The following LARP4 variants were observed in gnomAD, a reference collection of about 807,000 sequenced individuals.
LARP4 encodes the protein la-related protein 4.
A neutral mutation model predicts 92.9 loss-of-function variants in LARP4; 29 were observed. That is an observed-to-expected ratio of 0.31 (90% CI 0.23 to 0.43). The LOEUF (loss-of-function observed/expected upper bound fraction) is 0.43. Ranked by LOEUF, LARP4 falls within the 20% of genes least tolerant of loss-of-function variation. LARP4 has a pLI of 1.00. For missense variants in LARP4, 732 were observed against 860.0 expected, an observed-to-expected ratio of 0.85 and a Z score of 1.86; for synonymous variants, 279 against 284.1, an observed-to-expected ratio of 0.98 and a Z score of 0.18.
chr12:50,430,624 A>G, intron 4 of LARP4, 54 bp downstream of exon 4: 1 of 1,042,900 alleles, frequency 9.6e-7, no homozygotes, highest in Non-Finnish European at 1.5e-6. Context: ...AATACGTGTG[A>G]AATAGAGCGC....
intron 8 of LARP4, among the ~76,000 whole-genome samples, chr12:50,452,397 GT>G (rs779539880): frequency 4.6e-5 from 7 of 152,020 alleles, no homozygotes; most frequent in Non-Finnish European, 7.4e-5. Context: ...GGCCAGGCTG[GT>G]CTGGAATTCA....
At chr12:50,430,619 G>A (rs769970565) in intron 4 of LARP4, 49 bp downstream of exon 4, 22 of 1,091,350 alleles carry the variant, frequency 2.0e-5, no homozygotes, top group African/African-American at 3.2e-5. Context: ...TGTAAAATAC[G>A]TGTGAAATAG....
intron 11 of LARP4, 41 bp from the exon 12 acceptor site, chr12:50,462,541 C>CCCGG: frequency 4.9e-6 from 4 of 811,538 alleles, no homozygotes; most frequent in Non-Finnish European, 2.1e-6. Flanking sequence ...TATGACTTGT[C>CCCGG]CCTCCACCCC....
At chr12:50,407,171 G>A (rs567272295) in intron 1 of LARP4, among the ~76,000 whole-genome samples, 1 of 152,118 alleles carries the variant, frequency 6.6e-6, no homozygotes, top group East Asian at 1.9e-4. Flanking sequence ...GACTACAGGC[G>A]CGTACCACCA....
At chr12:50,406,179 CAT>C (rs1944798610) in intron 1 of LARP4, among the ~76,000 whole-genome samples, 1 of 152,062 alleles carries the variant, frequency 6.6e-6, no homozygotes, top group Non-Finnish European at 1.5e-5. Flanking sequence ...ATAATTAAAA[CAT>C]ATTTTAGGTT....
chr12:50,402,639 T>C (rs1944078042), intron 1 of LARP4: 1 of 289,756 alleles, frequency 3.5e-6, no homozygotes, highest in East Asian at 1.1e-4. Flanking sequence ...CTAGGTCTTC[T>C]CCTGTCTCTA....
chr12:50,403,272 T>C (rs927028399), intron 1 of LARP4, among the ~76,000 whole-genome samples: 1 of 152,172 alleles, frequency 6.6e-6, no homozygotes, highest in Non-Finnish European at 1.5e-5. Flanking sequence ...GGAAAAAAAT[T>C]TGCGTGTTTA....
At chr12:50,439,424 G>A (rs1382451763) in intron 6 of LARP4, among the ~76,000 whole-genome samples, 1 of 151,800 alleles carries the variant, frequency 6.6e-6, no homozygotes, top group Non-Finnish European at 1.5e-5. Flanking sequence ...GGTTTTCTGA[G>A]ACAGGTCTTG....
rs1944345161 is a variant in LARP4 at position 50,403,997 on chromosome 12, G to A, written c.18+2969G>A. 2.0e-5 allele frequency among the ~76,000 whole-genome samples: 3 copies of A among 152,110 alleles called. No individual in the cohort carries two copies. In the South Asian group the frequency reaches 6.2e-4, roughly 31 times the overall value. On this transcript the variant is annotated intron_variant, in intron 1 of 15. Coordinates refer to ENST00000398473, the MANE Select transcript of LARP4 (RefSeq NM_052879.5). ...CCAGCACTTTGGGAGGCTGAGGTGG[G>A]TGGCAAATCACCTGAGGTCAGGAGT...
intron 1 of LARP4, 51 bp from the exon 2 acceptor site, chr12:50,427,711 T>G (rs780110287): frequency 1.6e-6 from 2 of 1,280,436 alleles, no homozygotes; most frequent in South Asian, 2.1e-5. Flanking sequence ...GAATCTGTAA[T>G]TTTCATGCTC....
In LARP4 at chr12:50,423,770, A is replaced by T. The variant is rs1041902409; in HGVS notation, c.19-3992A>T. 7.4e-3 allele frequency among the ~76,000 whole-genome samples: 947 copies of T among 128,488 alleles called. 6 individuals are homozygous for T. The highest frequency in any genetic ancestry group is 0.011 in the Non-Finnish European group (686 of 62,136). The allele number at this position is 128,488 out of a possible 152,430, so 84.3% of individuals were successfully genotyped here. ...CCTGTAATTTTTTTTTTTTTTTTTT[A>T]GACGGAGTCTTGTTCTTGTCACCCA... On this transcript the variant is annotated intron_variant, in intron 1 of 15. Coordinates refer to ENST00000398473, the MANE Select transcript of LARP4 (RefSeq NM_052879.5).
chr12:50,413,147 C>T (rs57283487), intron 1 of LARP4, among the ~76,000 whole-genome samples: 14,936 of 151,508 alleles, frequency 0.099, 1,484 homozygotes, highest in East Asian at 0.45. Context: ...CCCTTGACCC[C>T]GGGAGTCAGA....
intron 3 of LARP4, among the ~76,000 whole-genome samples, chr12:50,429,511 A>T (rs1349535907): frequency 1.3e-5 from 2 of 152,062 alleles, no homozygotes; most frequent in African/African-American, 4.8e-5. Context: ...ATGCCACTGC[A>T]CTCCAACCTG....
chr12:50,471,362 A>T (rs1956907868), intron 13 of LARP4, among the ~76,000 whole-genome samples: 1 of 152,148 alleles, frequency 6.6e-6, no homozygotes, highest in African/African-American at 2.4e-5. Context: ...GTTAATACAG[A>T]TGATTGTTGT....
At chr12:50,442,362 A>T (rs1951347585) in intron 8 of LARP4, among the ~76,000 whole-genome samples, 1 of 152,204 alleles carries the variant, frequency 6.6e-6, no homozygotes, top group East Asian at 1.9e-4. Flanking sequence ...GACACATTTG[A>T]TCCCTGTCTT....
In LARP4 at chr12:50,402,653, C is replaced by G. The variant is rs1944080446; in HGVS notation, c.18+1625C>G. The G allele has an allele frequency of 8.4e-6, 3 of 355,286 alleles. No homozygotes were observed. In the Admixed American group the frequency reaches 1.1e-4, roughly 13 times the overall value. 22.0% of individuals were successfully genotyped at this position (355,286 alleles called of 1,614,324 possible). A position where few individuals can be genotyped will look rare whatever the true frequency, so the allele number is the denominator to read the frequency against. On this transcript the variant is annotated intron_variant, in intron 1 of 15. Coordinates refer to ENST00000398473, the MANE Select transcript of LARP4 (RefSeq NM_052879.5). ...ACTAGGTCTTCTCCTGTCTCTAAAG[C>G]GATACTTAATATGTTTTACAGATGA...
At chr12:50,440,974 C>T (rs1951118251) in intron 7 of LARP4, among the ~76,000 whole-genome samples, 1 of 151,584 alleles carries the variant, frequency 6.6e-6, no homozygotes, top group South Asian at 2.1e-4. Flanking sequence ...ACCTCCACCT[C>T]CTGGGTTCAA....
chr12:50,453,342 G>T, intron 8 of LARP4, 118 bp from the exon 9 acceptor site: 4 of 561,846 alleles, frequency 7.1e-6, no homozygotes, highest in Non-Finnish European at 1.2e-5. Flanking sequence ...TTGCTCTACT[G>T]ATTCTACTGT....
At chr12:50,462,540 T>TGGCGG in intron 11 of LARP4, 42 bp from the exon 12 acceptor site, 2 of 988,000 alleles carry the variant, frequency 2.0e-6, no homozygotes, top group Non-Finnish European at 3.2e-6. Context: ...TTATGACTTG[T>TGGCGG]CCCTCCACCC....
Sources: gnomAD v4.1 joint callset for allele counts (sites outside exome capture counted in the v4.1 genomes callset) on GRCh38, gnomAD v4.1.1 for gene constraint, MANE v1.5 for transcripts, NCBI Gene and HGNC (gene_info 2026-07-23, HGNC 2026-07-21) for gene names.